Variants in TAFA1 observed in about 807,000 individuals in gnomAD.
The protein encoded by TAFA1 is chemokine-like protein TAFA-1.
In TAFA1, 4 loss-of-function variants were observed where a neutral mutation model predicts 18.5. The ratio of observed to expected loss-of-function variants is 0.22; its 90% confidence interval spans 0.11 to 0.49. The LOEUF is 0.49. Ranked by LOEUF, TAFA1 falls within the 20% of genes least tolerant of loss-of-function variation. The probability of loss-of-function intolerance (pLI) is 0.98; values close to 1 mark genes in which losing one functional copy is unlikely to be tolerated. For missense variants in TAFA1, 147 were observed against 169.0 expected, an observed-to-expected ratio of 0.87 and a Z score of 0.72; for synonymous variants, 56 against 55.2, an observed-to-expected ratio of 1.01 and a Z score of -0.06.
Position 68,170,319 on chromosome 3 carries a change from C to G in TAFA1, c.118+163575C>G, listed in dbSNP as rs114332049. 7.2e-3 allele frequency among the ~76,000 whole-genome samples: 1,097 copies of G among 152,256 alleles called. 15 individuals carry two copies. The highest frequency in any genetic ancestry group is 0.025 in the African/African-American group (1,051 of 41,538). On this transcript the variant is annotated intron_variant, in intron 2 of 4. Coordinates refer to ENST00000478136, the MANE Select transcript of TAFA1 (RefSeq NM_213609.4). ...ACTATTTTACTTATCCAGTGGCTCC[C>G]TATAAATGCCCAAAGTCCAGGGCTT... is the stretch of plus-strand genomic sequence containing the variant.
intron 3 of TAFA1, among the ~76,000 whole-genome samples, chr3:68,421,459 A>G (rs1316987335): frequency 6.6e-6 from 1 of 152,174 alleles, no homozygotes; most frequent in African/African-American, 2.4e-5. Flanking sequence ...AAGTGTGACT[A>G]TAAATTAAAA....
rs2065233224 is a variant in TAFA1, at chr3:68,108,834, G to A, written c.118+102090G>A. Among the ~76,000 whole-genome samples the A allele has an allele frequency of 2.6e-5, 4 of 152,064 alleles. No homozygotes were observed. The South Asian group carries it at 8.3e-4, about 32-fold the overall frequency. ...ATGTAAATGAAATACTAAAAACAGA[G>A]ATCTAGAAGTAGAAAATAATATTTA... On this transcript the variant is annotated intron_variant, in intron 2 of 4. Transcript: ENST00000478136.
chr3:68,410,789 A>G (rs2070701161), intron 2 of TAFA1, among the ~76,000 whole-genome samples: 1 of 151,254 alleles, frequency 6.6e-6, no homozygotes, highest in Admixed American at 6.6e-5. Flanking sequence ...GAAACCATAG[A>G]TCATCTTGAA....
At chr3:68,208,674 G>A (rs906181555) in intron 2 of TAFA1, among the ~76,000 whole-genome samples, 1 of 151,896 alleles carries the variant, frequency 6.6e-6, no homozygotes, top group Non-Finnish European at 1.5e-5. Context: ...TCTTTTCAGG[G>A]CCCCAGGGAT....
At chr3:68,441,625 C>T (rs369911185) in intron 3 of TAFA1, among the ~76,000 whole-genome samples, 5 of 152,076 alleles carry the variant, frequency 3.3e-5, no homozygotes, top group East Asian at 1.9e-4. Context: ...TATACATGAT[C>T]GGGCTCGAGA....
chr3:68,522,892 A>T (rs1575948502), intron 3 of TAFA1, among the ~76,000 whole-genome samples: 1 of 152,188 alleles, frequency 6.6e-6, no homozygotes, highest in East Asian at 1.9e-4. Flanking sequence ...CCTGGCCAAC[A>T]TGGTGAAACC....
At chr3:68,440,074 C>G (rs1232197313) in intron 3 of TAFA1, among the ~76,000 whole-genome samples, 1 of 151,698 alleles carries the variant, frequency 6.6e-6, no homozygotes, top group Non-Finnish European at 1.5e-5. Flanking sequence ...AAATTGTAAC[C>G]CCCACAATTC....
intron 2 of TAFA1, among the ~76,000 whole-genome samples, chr3:68,290,701 A>C (rs75181673): frequency 1.3e-5 from 2 of 152,130 alleles, no homozygotes; most frequent in African/African-American, 4.8e-5. Context: ...CATAAGTCAA[A>C]AGATATATCT....
intron 2 of TAFA1, among the ~76,000 whole-genome samples, chr3:68,371,562 T>A (rs542306978): frequency 1.3e-5 from 2 of 152,324 alleles, no homozygotes; most frequent in African/African-American, 4.8e-5. Flanking sequence ...GAATTCATTC[T>A]TTTTTATGGC....
chr3:68,300,205 A>G (rs767093970), intron 2 of TAFA1, among the ~76,000 whole-genome samples: 9 of 152,208 alleles, frequency 5.9e-5, no homozygotes, highest in Non-Finnish European at 8.8e-5. Context: ...CTACAAAGCC[A>G]TGGAGACAGA....
intron 2 of TAFA1, among the ~76,000 whole-genome samples, chr3:68,361,296 C>T (rs2069463234): frequency 6.6e-6 from 1 of 151,946 alleles, no homozygotes; most frequent in African/African-American, 2.4e-5. Context: ...AAAAATTGAT[C>T]TCATGGAGAT....
intron 2 of TAFA1, among the ~76,000 whole-genome samples, chr3:68,281,317 GT>G (rs911843835): frequency 1.6e-4 from 25 of 151,584 alleles, no homozygotes; most frequent in Non-Finnish European, 2.2e-4. Flanking sequence ...ACTATACCAT[GT>G]TTTTTTTGAG....
chr3:68,440,830 G>A (rs746574530), intron 3 of TAFA1, among the ~76,000 whole-genome samples: 26 of 152,110 alleles, frequency 1.7e-4, no homozygotes, highest in Admixed American at 6.6e-4. Context: ...GTCAGTCACC[G>A]CAGCCAACAC....
At chr3:68,292,411 C>CAAAAAAAAAAAAAAA in intron 2 of TAFA1, among the ~76,000 whole-genome samples, 1 of 50,056 alleles carries the variant, frequency 2.0e-5, no homozygotes, top group East Asian at 4.8e-4. Context: ...GAGACTCTGT[C>CAAAAAAAAAAAAAAA]AAAAAAAAAA....
chr3:68,521,881 A>T (rs1386542600), intron 3 of TAFA1, among the ~76,000 whole-genome samples: 9 of 6,690 alleles, frequency 1.3e-3, no homozygotes, highest in Admixed American at 2.1e-3. Flanking sequence ...TTTTTTGGAG[A>T]TAGGGTCTCA....
intron 2 of TAFA1, among the ~76,000 whole-genome samples, chr3:68,244,169 T>C (rs954942072): frequency 6.6e-6 from 1 of 152,216 alleles, no homozygotes; most frequent in Non-Finnish European, 1.5e-5. Context: ...AAGTCCGTTG[T>C]CACATATGTG....
intron 3 of TAFA1, among the ~76,000 whole-genome samples, chr3:68,452,206 C>A (rs2071576525): frequency 6.6e-6 from 1 of 152,124 alleles, no homozygotes; most frequent in African/African-American, 2.4e-5. Flanking sequence ...AGCCACATTG[C>A]TTTCTTATGC....
chr3:68,134,737 G>A (rs1287612406), intron 2 of TAFA1, among the ~76,000 whole-genome samples: 2 of 152,098 alleles, frequency 1.3e-5, no homozygotes, highest in Admixed American at 6.6e-5. Flanking sequence ...TAGATGCTGG[G>A]GAGATATTAA....
In TAFA1 at chr3:68,271,832, T is replaced by TCA. The variant is rs199850511; in HGVS notation, c.119-145447_119-145446insAC. On this transcript the variant is annotated intron_variant, in intron 2 of 4. Coordinates refer to ENST00000478136, the MANE Select transcript of TAFA1 (RefSeq NM_213609.4). ...CTTTGTCTATCTCTCTCTCTCTCTC[T>TCA]CTCTCACACACACACACACACACAC... Among the ~76,000 whole-genome samples, 250 of 144,644 alleles carry TCA rather than the reference T, an allele frequency of 1.7e-3. 1 individual carries two copies. The highest frequency in any genetic ancestry group is 5.5e-3 in the African/African-American group (205 of 37,440). 94.9% of individuals were successfully genotyped at this position (144,644 alleles called of 152,430 possible).
Sources: allele counts gnomAD v4.1 joint callset (sites outside exome capture counted in the v4.1 genomes callset), GRCh38; gene constraint gnomAD v4.1.1; transcripts MANE v1.5; gene names NCBI Gene and HGNC (gene_info 2026-07-23, HGNC 2026-07-21).